The following PRR14L variants were observed in gnomAD, a reference collection of about 807,000 sequenced individuals.
PRR14L encodes protein PRR14L.
Under a neutral mutation model 155.0 loss-of-function variants are expected in PRR14L, and 80 were observed. The observed-to-expected ratio is 0.52, with a 90% CI of 0.43 to 0.62. The LOEUF (loss-of-function observed/expected upper bound fraction) is 0.62, where lower values mean the gene tolerates loss of function less well. PRR14L is among the 20% of genes least tolerant of loss of function. The pLI, the probability that PRR14L is intolerant of heterozygous loss-of-function variation, is 0.00. For missense variants in PRR14L, 2,469 were observed against 2,548.0 expected (o/e 0.97, Z 0.67); for synonymous variants, 883 against 916.0 (o/e 0.96, Z 0.65).
In PRR14L at chr22:31,738,823, A is replaced by C. The variant is rs1355611353; in HGVS notation, c.38T>G (p.Leu13Arg). The C allele has an allele frequency of 6.5e-7, 1 of 1,547,160 alleles. No individual in the cohort carries two copies. The highest frequency in any genetic ancestry group is 8.7e-7 in the Non-Finnish European group (1 of 1,147,080). ...TACCACGGCAGACATGGAGGAATCA[A>C]GTGGAACTGGCTGAGTCTCTACTCC... ...SSGVETQPVP[L>R]DSSMSAVVQE... Residue 13 changes from leucine to arginine, a missense_variant, in exon 2 of 9, where the codon CTT becomes CGT. Leu to Arg is a moderately radical substitution (Grantham distance 102). Around this residue, in one of 2 missense-constraint regions of PRR14L, gnomAD observed 2,363 missense variants for 2,371.6 expected, o/e 1.00. Transcript: ENST00000327423.
intron 7 of PRR14L, among the ~76,000 whole-genome samples, chr22:31,699,588 A>G (rs1015421261): frequency 3.9e-5 from 6 of 152,220 alleles, no homozygotes; most frequent in African/African-American, 1.4e-4. Flanking sequence ...GGTCCCAAGA[A>G]TTTGGAGAAG....
chr22:31,688,294 G>C, intron 7 of PRR14L, 67 bp from the exon 8 acceptor site: 1 of 1,456,150 alleles, frequency 6.9e-7, no homozygotes, highest in Non-Finnish European at 9.1e-7. Flanking sequence ...AGAAGGTCTT[G>C]CTCTGTTGCC....
chr22:31,685,758 T>C lies in PRR14L; in HGVS notation c.6225A>G (p.Thr2075=), dbSNP rs753526989. 7 of 1,551,690 alleles carry C rather than the reference T, an allele frequency of 4.5e-6. No homozygotes were observed. The South Asian group carries it at 7.1e-5, about 16-fold the overall frequency. The change falls in exon 9 of 9, where the codon ACA becomes ACG. Residue 2075 remains threonine, a synonymous_variant. Transcript: ENST00000327423. ...TCTTCTGTTGGCTGATTGAGATTAG[T>C]GTACCATTTCGTTCCTTGGGTTCCT... ...IFEEPKERNG[T]LISISQQKRK... is the part of the protein sequence containing the mutation.
chr22:31,713,973 C>G lies in PRR14L; in HGVS notation c.3866G>C (p.Arg1289Thr). ...VLPEMKEIVS[R>T]DWSNSSDRDS... ...TCTGTCACTAGAATTACTCCAATCT[C>G]TTGATACTATTTCCTTCATCTCAGG... Residue 1289 changes from arginine to threonine, a missense_variant, in exon 4 of 9, where the codon AGA (arginine) becomes ACA (threonine). Physicochemically the swap from Arg to Thr is moderately conservative, Grantham distance 71. This residue lies in a region of PRR14L where 2,363 missense variants were observed against 2,371.6 expected (regional missense o/e 1.00). Transcript: ENST00000327423. 1 of 1,551,746 alleles carries G rather than the reference C, an allele frequency of 6.4e-7. No homozygotes were observed. Among genetic ancestry groups the G allele is most frequent in the East Asian group, 2.4e-5 (1 of 40,930 alleles).
rs373521551 is a variant in PRR14L at position 31,685,469 on chromosome 22, C to T, written c.*58G>A. 6 of 1,406,954 alleles carry T rather than the reference C, an allele frequency of 4.3e-6. No individual in the cohort carries two copies. Among genetic ancestry groups the T allele is most frequent in the South Asian group, 1.5e-5 (1 of 67,646 alleles). 87.2% of individuals were successfully genotyped at this position (1,406,954 alleles called of 1,614,324 possible). On this transcript the variant is annotated 3_prime_UTR_variant, in exon 9 of 9. Coordinates refer to ENST00000327423, the MANE Select transcript of PRR14L (RefSeq NM_173566.3). ...GAGGTCCAAAAAAAAAAAAAAAACC[C>T]AAAAACAAAACAAAACAAAAAAACC...
At chr22:31,701,581 T>C in intron 7 of PRR14L, 75 bp downstream of exon 7, 1 of 861,714 alleles carries the variant, frequency 1.2e-6, no homozygotes, top group South Asian at 1.6e-5. Context: ...TGTAGGACCA[T>C]TTAAAGGGCA....
intron 8 of PRR14L, among the ~76,000 whole-genome samples, chr22:31,687,131 G>T (rs558618540): frequency 1.3e-5 from 2 of 151,920 alleles, no homozygotes; most frequent in African/African-American, 4.8e-5. Flanking sequence ...TCCACCCCCC[G>T]GGTTCAAGCG....
At chr22:31,691,180 T>G (rs981231193) in intron 7 of PRR14L, among the ~76,000 whole-genome samples, 1 of 151,134 alleles carries the variant, frequency 6.6e-6, no homozygotes, top group African/African-American at 2.4e-5. Context: ...TTGGCCAGAC[T>G]GGTCTTGAAC....
At chr22:31,745,843 TAAAAAAA>T (rs755650797) in intron 1 of PRR14L, among the ~76,000 whole-genome samples, 12 of 133,766 alleles carry the variant, frequency 9.0e-5, no homozygotes, top group Admixed American at 4.6e-4. Context: ...AGACTCAGTT[TAAAAAAA>T]AAAAAAAAAA....
intron 2 of PRR14L, among the ~76,000 whole-genome samples, chr22:31,737,373 C>T (rs1409800655): frequency 6.6e-6 from 1 of 151,932 alleles, no homozygotes; most frequent in Non-Finnish European, 1.5e-5. Context: ...CCTAGCTACT[C>T]AGGAAGCTGA....
intron 7 of PRR14L, among the ~76,000 whole-genome samples, chr22:31,694,790 AAG>A (rs2074527772): frequency 6.7e-6 from 1 of 149,094 alleles, no homozygotes; most frequent in African/African-American, 2.5e-5. Flanking sequence ...AAAAAAGAAA[AAG>A]AATACAAAAT....
At chr22:31,690,713 C>T (rs1354525161) in intron 7 of PRR14L, among the ~76,000 whole-genome samples, 2 of 151,478 alleles carry the variant, frequency 1.3e-5, no homozygotes, top group East Asian at 3.9e-4. Flanking sequence ...GTGATCTTGG[C>T]TCACTACAAC....
intron 2 of PRR14L, among the ~76,000 whole-genome samples, chr22:31,737,538 A>C (rs2074788881): frequency 6.6e-6 from 1 of 152,100 alleles, no homozygotes; most frequent in East Asian, 1.9e-4. Context: ...CTGTAATCCC[A>C]ACACTTTCAG....
chr22:31,717,687 A>T (rs2074667698), intron 3 of PRR14L, among the ~76,000 whole-genome samples: 1 of 152,246 alleles, frequency 6.6e-6, no homozygotes, highest in East Asian at 1.9e-4. Flanking sequence ...TGTTCTCAGT[A>T]CTTGAAATTA....
chr22:31,714,300 T>C lies in PRR14L; in HGVS notation c.3539A>G (p.His1180Arg). 1.3e-6 allele frequency: 2 copies of C among 1,551,750 alleles called. No homozygotes were observed. The highest frequency in any genetic ancestry group is 1.7e-6 in the Non-Finnish European group (2 of 1,146,990). ...TGTTCCTTTATCTTGCTGTCCATAATGGCTATCATTTAAAGACAAATTTAC... is the reference window on the plus strand; with the variant it reads ...TGTTCCTTTATCTTGCTGTCCATAACGGCTATCATTTAAAGACAAATTTAC... ...GRVNLSLNDS[H>R]YGQQDKGTSL... is the part of the protein sequence containing the mutation. The change falls in exon 4 of 9, where the codon CAT (histidine) becomes CGT (arginine). Residue 1180 changes from histidine to arginine, a missense_variant. By Grantham distance (29) the His-to-Arg change is conservative. Coordinates refer to ENST00000327423, the MANE Select transcript of PRR14L (RefSeq NM_173566.3).
intron 4 of PRR14L, among the ~76,000 whole-genome samples, chr22:31,709,435 T>C (rs2147861037): frequency 6.9e-6 from 1 of 144,064 alleles, no homozygotes; most frequent in Middle Eastern, 4.4e-3. Flanking sequence ...TTTGTATTTG[T>C]AGTAGAGAGA....
chr22:31,736,843 C>A (rs2074784508), intron 2 of PRR14L, among the ~76,000 whole-genome samples: 1 of 151,704 alleles, frequency 6.6e-6, no homozygotes, highest in Non-Finnish European at 1.5e-5. Flanking sequence ...TTGAACCCAG[C>A]CTGGTCAACA....
chr22:31,710,655 G>A (rs955702886), intron 4 of PRR14L, among the ~76,000 whole-genome samples: 3 of 151,806 alleles, frequency 2.0e-5, no homozygotes, highest in South Asian at 2.1e-4. Context: ...GGGGTTTCAC[G>A]GTGTTAGCCA....
At chr22:31,705,242 C>G (rs1375096834) in intron 4 of PRR14L, among the ~76,000 whole-genome samples, 1 of 152,080 alleles carries the variant, frequency 6.6e-6, no homozygotes, top group Non-Finnish European at 1.5e-5. Context: ...GCCTGAGTAT[C>G]AGGGCAAGAC....
Sources: gnomAD v4.1 joint callset for allele counts (sites outside exome capture counted in the v4.1 genomes callset) on GRCh38, gnomAD v4.1.1 for gene constraint, gnomAD v4.1.1 regional missense constraint, MANE v1.5 for transcripts, NCBI Gene and HGNC (gene_info 2026-07-23, HGNC 2026-07-21) for gene names.